Variants in TIMM22 observed in about 807,000 individuals in gnomAD.
TIMM22 encodes mitochondrial import inner membrane translocase subunit Tim22.
In TIMM22, 12 loss-of-function variants were observed where a neutral mutation model predicts 18.3. That is an observed-to-expected ratio of 0.65 (90% CI 0.42 to 1.06). The LOEUF (loss-of-function observed/expected upper bound fraction) is 1.06, where lower values mean the gene tolerates loss of function less well. Among genes scored for constraint, TIMM22 ranks in the 50% least tolerant of loss-of-function variants. TIMM22 has a pLI of 0.00. For missense variants in TIMM22, 278 were observed against 252.8 expected, an observed-to-expected ratio of 1.10 and a Z score of -0.68; for synonymous variants, 107 against 98.5, an observed-to-expected ratio of 1.09 and a Z score of -0.51.
At position 1,002,091 on chromosome 17, in the gene TIMM22, G is replaced by C. The variant is rs899225788; in HGVS notation, c.*1003G>C. The C allele has an allele frequency of 1.3e-5, 2 of 151,450 alleles. No homozygotes were observed. Among genetic ancestry groups the C allele is most frequent in the Non-Finnish European group, 2.9e-5 (2 of 67,940 alleles). 9.4% of individuals were successfully genotyped at this position (151,450 alleles called of 1,614,324 possible). On this transcript the variant is annotated 3_prime_UTR_variant, in exon 4 of 4. Coordinates refer to ENST00000327158, the MANE Select transcript of TIMM22 (RefSeq NM_013337.4). ...GGTCAAGGAAGTGTTTTAACATGTC[G>C]TGTTTTCGACTTGACCTTGTGGTAT...
Position 997,201 on chromosome 17 carries a change from A to G in TIMM22, c.59A>G (p.Glu20Gly). The G allele has an allele frequency of 6.2e-7, 1 of 1,612,496 alleles. No homozygotes were observed. Among genetic ancestry groups the G allele is most frequent in the South Asian group, 1.1e-5 (1 of 91,062 alleles). Residue 20 changes from glutamate (E) to glycine (G), a missense_variant, in exon 1 of 4, where the codon GAA (glutamate) becomes GGA (glycine). Coordinates refer to ENST00000327158, the MANE Select transcript of TIMM22 (RefSeq NM_013337.4). ...GCCCCTGAGACAGCGGGTTCCGCCG[A>G]AGCTCCGCTGCAGTACAGCCTGCTC... ...GSAPETAGSA[E>G]APLQYSLLLQ... is the part of the protein sequence containing the mutation.
rs898206321 is a variant in TIMM22 at position 1,002,454 on chromosome 17, C to G, written c.*1366C>G. 10 of 152,354 alleles carry G rather than the reference C, an allele frequency of 6.6e-5. No individual in the cohort carries two copies. Among genetic ancestry groups the G allele is most frequent in the Non-Finnish European group, 1.5e-4 (10 of 68,052 alleles). 9.4% of individuals were successfully genotyped at this position (152,354 alleles called of 1,614,324 possible). ...CACTCAGTGTACATGGCCTGGAGGC[C>G]CGAGTGTTTGTACATGAGTGATGAT... is the stretch of plus-strand genomic sequence containing the variant. On this transcript the variant is annotated 3_prime_UTR_variant, in exon 4 of 4. Coordinates refer to ENST00000327158, the MANE Select transcript of TIMM22 (RefSeq NM_013337.4).
chr17:997,482 CT>C lies in TIMM22; in HGVS notation c.238+104del, dbSNP rs141585583. Reference sequence around the variant, plus strand: ...GCCTGGGAGGCGAGGGACTGCGGGCCTTGACCTTGACCACACCCTCGCCTCG... The same window carrying C: ...GCCTGGGAGGCGAGGGACTGCGGGCCTGACCTTGACCACACCCTCGCCTCG... On this transcript the variant is annotated intron_variant, in intron 1 of 3. Transcript: ENST00000327158. 9.1e-3 allele frequency: 10,121 copies of C among 1,109,070 alleles called. 640 individuals are homozygous for C. In the African/African-American group the frequency reaches 0.14, roughly 16 times the overall value. 68.7% of individuals were successfully genotyped at this position (1,109,070 alleles called of 1,614,324 possible).
chr17:1,001,030 C>A lies in TIMM22; in HGVS notation c.527C>A (p.Ala176Asp), dbSNP rs1233181867. 1 of 1,613,896 alleles carries A rather than the reference C, an allele frequency of 6.2e-7. No homozygotes were observed. Among genetic ancestry groups the A allele is most frequent in the African/African-American group, 1.3e-5 (1 of 74,898 alleles). ...IGFRAGLKAG[A>D]IGCGGFAAFS... is the part of the protein sequence containing the mutation. ...TTGACAGCTGGCTTAAAGGCTGGGG[C>A]CATTGGTTGTGGAGGTTTTGCTGCT... is the stretch of plus-strand genomic sequence containing the variant. Residue 176 changes from alanine to aspartate, a missense_variant, in exon 4 of 4, where the codon GCC (alanine) becomes GAC (aspartate). Coordinates refer to ENST00000327158, the MANE Select transcript of TIMM22 (RefSeq NM_013337.4).
Position 1,001,409 on chromosome 17 carries a change from T to C in TIMM22, c.*321T>C. ...TCAGGCCTGACCACAGCTGGCCCTC[T>C]AGGTTGTTTGGTGTTGTGGGCACAG... On this transcript the variant is annotated 3_prime_UTR_variant, in exon 4 of 4. Coordinates refer to ENST00000327158, the MANE Select transcript of TIMM22 (RefSeq NM_013337.4). 3.3e-6 allele frequency: 1 copy of C among 302,164 alleles called. No homozygotes were observed. The highest frequency in any genetic ancestry group is 6.5e-6 in the Non-Finnish European group (1 of 154,332). The allele number at this position is 302,164 out of a possible 1,614,324, so 18.7% of individuals were successfully genotyped here.
In TIMM22 at chr17:1,001,121, C is replaced by T. The variant is rs1567540234; in HGVS notation, c.*33C>T. 7 of 1,607,390 alleles carry T rather than the reference C, an allele frequency of 4.4e-6. No homozygotes were observed. The highest frequency in any genetic ancestry group is 6.0e-6 in the Non-Finnish European group (7 of 1,175,022). Reference sequence around the variant, plus strand: ...TGCCTGCAGGGAAGGATGATGCCAGCCCCGGATCCGGGCTGCTCTCTGGAG... The same window carrying T: ...TGCCTGCAGGGAAGGATGATGCCAGTCCCGGATCCGGGCTGCTCTCTGGAG... On this transcript the variant is annotated 3_prime_UTR_variant, in exon 4 of 4. Coordinates refer to ENST00000327158, the MANE Select transcript of TIMM22 (RefSeq NM_013337.4).
rs530843305 is a variant in TIMM22, at chr17:998,923, A to T, written c.383A>T (p.Asn128Ile). The T allele has an allele frequency of 6.2e-7, 1 of 1,614,052 alleles. No homozygotes were observed. The highest frequency in any genetic ancestry group is 1.3e-5 in the African/African-American group (1 of 75,008). ...CAGAGAGGAATGTCCTATGCCAAAA[A>T]TTTCGCCATTGTGGGAGCCATGTTT... ...MGQRGMSYAK[N>I]FAIVGAMFSC... Residue 128 changes from asparagine to isoleucine, a missense_variant, in exon 2 of 4, where the codon AAT becomes ATT. Coordinates refer to ENST00000327158, the MANE Select transcript of TIMM22 (RefSeq NM_013337.4).
At position 997,213 on chromosome 17, in the gene TIMM22, A is replaced by C. The variant is rs200320900; in HGVS notation, c.71A>C (p.Gln24Pro). The C allele has an allele frequency of 1.2e-6, 2 of 1,612,994 alleles. No individual in the cohort carries two copies. The highest frequency in any genetic ancestry group is 1.7e-5 in the Admixed American group (1 of 60,026). Residue 24 changes from glutamine (Q) to proline (P), a missense_variant, in exon 1 of 4, where the codon CAG becomes CCG. Gln to Pro is a moderately conservative substitution (Grantham distance 76). Transcript: ENST00000327158. ...GCGGGTTCCGCCGAAGCTCCGCTGC[A>C]GTACAGCCTGCTCCTGCAGTACCTG... ...ETAGSAEAPLQYSLLLQYLVG... is the reference protein window; with the variant it reads ...ETAGSAEAPLPYSLLLQYLVG...
At position 999,549 on chromosome 17, in the gene TIMM22, G is replaced by C. The variant is rs1398376011; in HGVS notation, c.473G>C (p.Ser158Thr). The change falls in exon 3 of 4, where the codon AGT becomes ACT. Residue 158 changes from serine (S) to threonine (T), a missense_variant. Transcript: ENST00000327158. The part of the protein sequence containing the change: ...GTSDWKNSVI[S>T]GCITGGAIGF... ...TCAGACTGGAAGAACAGTGTCATCA[G>C]TGGCTGCATCACGGGAGGAGCTATT... 1 of 1,613,730 alleles carries C rather than the reference G, an allele frequency of 6.2e-7. No individual in the cohort carries two copies. The highest frequency in any genetic ancestry group is 1.1e-5 in the South Asian group (1 of 91,010).
At chr17:999,443 G>T (rs2069720617) in intron 2 of TIMM22, 69 bp from the exon 3 acceptor site, 1 of 1,533,200 alleles carries the variant, frequency 6.5e-7, no homozygotes, top group African/African-American at 1.4e-5. Context: ...GAGCAACCCT[G>T]TGTATTCCTC....
In TIMM22 at chr17:998,253, A is replaced by G. The variant is rs148208373; in HGVS notation, c.239-526A>G. Reference sequence around the variant, plus strand: ...GACATGTCCAGCCGGCTCAGGAAGGACAGATGTGGCAGCAGTGTGGGATTT... The same window carrying G: ...GACATGTCCAGCCGGCTCAGGAAGGGCAGATGTGGCAGCAGTGTGGGATTT... On this transcript the variant is annotated intron_variant, in intron 1 of 3. Transcript: ENST00000327158. Among the ~76,000 whole-genome samples the G allele has an allele frequency of 6.7e-3, 1,016 of 152,278 alleles. 5 individuals are homozygous for G. The highest frequency in any genetic ancestry group is 0.034 in the Middle Eastern group (10 of 294).
chr17:999,509 C>T lies in TIMM22; in HGVS notation c.436-3C>T, dbSNP rs1029572285. The T allele has an allele frequency of 1.2e-6, 2 of 1,613,198 alleles. No homozygotes were observed. Among genetic ancestry groups the T allele is most frequent in the East Asian group, 2.2e-5 (1 of 44,856 alleles). On this transcript the variant is annotated splice_polypyrimidine_tract_variant and splice_region_variant and intron_variant, in intron 2 of 3. Transcript: ENST00000327158. Reference sequence around the variant, plus strand: ...GCTCTAACGTGTACTTCCCTGCCCACAGTACCGGGGAACATCAGACTGGAA... The same window carrying T: ...GCTCTAACGTGTACTTCCCTGCCCATAGTACCGGGGAACATCAGACTGGAA...
At chr17:997,844 A>T (rs1284976421) in intron 1 of TIMM22, among the ~76,000 whole-genome samples, 1 of 152,190 alleles carries the variant, frequency 6.6e-6, no homozygotes, top group Non-Finnish European at 1.5e-5. Context: ...TACGTGGGTG[A>T]CTTCATTCAT....
chr17:1,000,087 A>C (rs2069728735), intron 3 of TIMM22, among the ~76,000 whole-genome samples: 1 of 79,612 alleles, frequency 1.3e-5, no homozygotes, highest in African/African-American at 5.5e-5. Context: ...TTTAGTAGAG[A>C]TCAATTTCAC....
At position 1,002,831 on chromosome 17, in the gene TIMM22, G is replaced by C. The variant is rs1336641096; in HGVS notation, c.*1743G>C. ...GAGATGCTGCCCTCACAACAGCCTT[G>C]GAAAAGATGAGCGCCAGGGCTGTCA... On this transcript the variant is annotated 3_prime_UTR_variant, in exon 4 of 4. Coordinates refer to ENST00000327158, the MANE Select transcript of TIMM22 (RefSeq NM_013337.4). 1 of 152,144 alleles carries C rather than the reference G, an allele frequency of 6.6e-6. No individual in the cohort carries two copies. The highest frequency in any genetic ancestry group is 1.9e-4 in the East Asian group (1 of 5,196). The allele number at this position is 152,144 out of a possible 1,614,324, so 9.4% of individuals were successfully genotyped here. A position where few individuals can be genotyped will look rare whatever the true frequency, so the allele number is the denominator to read the frequency against.
intron 2 of TIMM22, among the ~76,000 whole-genome samples, 175 bp from the exon 3 acceptor site, chr17:999,337 A>ATG: frequency 7.3e-6 from 1 of 137,246 alleles, no homozygotes; most frequent in East Asian, 2.1e-4. Context: ...ATATATATAT[A>ATG]TATATATATA....
intron 1 of TIMM22, 26 bp from the exon 2 acceptor site, chr17:998,752 CA>C (rs1165460348): frequency 2.5e-6 from 4 of 1,602,918 alleles, no homozygotes; most frequent in Non-Finnish European, 3.4e-6. Flanking sequence ...ATGCCAAAGA[CA>C]CCTTCATCTC....
At chr17:998,736 G>C (rs764024718) in intron 1 of TIMM22, 43 bp from the exon 2 acceptor site, 1 of 1,595,162 alleles carries the variant, frequency 6.3e-7, no homozygotes, top group Non-Finnish European at 8.6e-7. Context: ...GAGTAATGCA[G>C]AAAACATGCC....
intron 1 of TIMM22, 86 bp downstream of exon 1, chr17:997,466 G>A: frequency 7.5e-7 from 1 of 1,333,502 alleles, no homozygotes. Flanking sequence ...CGCCTGGGAG[G>A]CGAGGGACTG....
Sources: allele counts gnomAD v4.1 joint callset (sites outside exome capture counted in the v4.1 genomes callset), GRCh38; gene constraint gnomAD v4.1.1; transcripts MANE v1.5; gene names NCBI Gene and HGNC (gene_info 2026-07-23, HGNC 2026-07-21).